Variants in ASXL2 observed in about 807,000 individuals in gnomAD.
The protein encoded by ASXL2 is putative Polycomb group protein ASXL2.
A neutral mutation model predicts 122.0 loss-of-function variants in ASXL2; 23 were observed. The observed-to-expected ratio is 0.19, with a 90% confidence interval of 0.14 to 0.27. ASXL2 has a LOEUF of 0.27. Among genes scored for constraint, ASXL2 ranks in the 10% least tolerant of loss-of-function variants. The pLI is 1.00. For synonymous variants in ASXL2, 650 were observed against 637.0 expected (o/e 1.02, Z -0.31); for missense variants, 1,518 against 1,713.8 (o/e 0.89, Z 2.02).
chr2:25,768,734 C>T lies in ASXL2; in HGVS notation c.631+8G>A, dbSNP rs1325827026. 3 of 1,608,972 alleles carry T rather than the reference C, an allele frequency of 1.9e-6. No homozygotes were observed. Among genetic ancestry groups the T allele is most frequent in the Admixed American group, 3.4e-5 (2 of 58,866 alleles). Reference sequence around the variant, plus strand: ...AACTTCCATTGAAAAACTGCCCAAACTGCCTACCAGGTTTGGCAGGTACAG... The same window carrying T: ...AACTTCCATTGAAAAACTGCCCAAATTGCCTACCAGGTTTGGCAGGTACAG... On this transcript the variant is annotated splice_region_variant and intron_variant, in intron 7 of 12. Coordinates refer to ENST00000435504, the MANE Select transcript of ASXL2 (RefSeq NM_018263.6).
chr2:25,828,470 C>T (rs1404922363), intron 3 of ASXL2, among the ~76,000 whole-genome samples: 21 of 142,700 alleles, frequency 1.5e-4, no homozygotes, highest in African/African-American at 5.3e-4. Flanking sequence ...CACACCATTG[C>T]ACTCCCTCCC....
At chr2:25,787,887 T>C (rs756246967) in intron 5 of ASXL2, among the ~76,000 whole-genome samples, 9 of 152,080 alleles carry the variant, frequency 5.9e-5, no homozygotes, top group Non-Finnish European at 8.8e-5. Context: ...GCTTCTAAAA[T>C]TTACATGAAG....
intron 5 of ASXL2, among the ~76,000 whole-genome samples, chr2:25,778,738 C>T (rs1159352895): frequency 6.6e-6 from 1 of 152,184 alleles, no homozygotes; most frequent in Admixed American, 6.5e-5. Flanking sequence ...AACATGGCTC[C>T]ACCCATATGT....
chr2:25,808,595 G>A (rs565606627), intron 3 of ASXL2, among the ~76,000 whole-genome samples: 2 of 152,286 alleles, frequency 1.3e-5, no homozygotes, highest in East Asian at 3.9e-4. Context: ...GCCTCCCAGA[G>A]TGCTCGGATT....
rs2089464304 is a variant in ASXL2, at chr2:25,832,362, A to T, written c.143+3176T>A. On this transcript the variant is annotated intron_variant, in intron 3 of 12. Coordinates refer to ENST00000435504, the MANE Select transcript of ASXL2 (RefSeq NM_018263.6). ...AAACAGTTAAGAAAAGCATGTAAAG[A>T]CATACAAAGAAATACAATACTATAA... Among the ~76,000 whole-genome samples, 3 of 152,218 alleles carry T rather than the reference A, an allele frequency of 2.0e-5. No homozygotes were observed. In the South Asian group the frequency reaches 6.2e-4, roughly 32 times the overall value.
intron 11 of ASXL2, among the ~76,000 whole-genome samples, chr2:25,750,734 G>A (rs1374168194): frequency 6.6e-6 from 1 of 152,158 alleles, no homozygotes; most frequent in African/African-American, 2.4e-5. Context: ...TAAAGTACTT[G>A]CCTAACACAT....
In ASXL2 at chr2:25,794,515, T is replaced by C. The variant is rs537582624; in HGVS notation, c.403+4870A>G. Among the ~76,000 whole-genome samples the C allele has an allele frequency of 2.0e-5, 3 of 152,334 alleles. No homozygotes were observed. The South Asian group carries it at 6.2e-4, about 32-fold the overall frequency. ...AAAACTCTTCTCTGAACATTGTGTATCCTGTCTGAAAACTAGCAACCAAAA... is the reference window on the plus strand; with the variant it reads ...AAAACTCTTCTCTGAACATTGTGTACCCTGTCTGAAAACTAGCAACCAAAA... On this transcript the variant is annotated intron_variant, in intron 5 of 12. Coordinates refer to ENST00000435504, the MANE Select transcript of ASXL2 (RefSeq NM_018263.6).
chr2:25,781,959 CTTTTTTCTTT>C (rs1430983214), intron 5 of ASXL2, among the ~76,000 whole-genome samples: 5 of 88,400 alleles, frequency 5.7e-5, no homozygotes, highest in South Asian at 3.9e-4. Context: ...ACCGCCCGGG[CTTTTTTCTTT>C]TTTTTTTTTT....
intron 1 of ASXL2, among the ~76,000 whole-genome samples, chr2:25,872,250 T>G (rs959361825): frequency 6.6e-6 from 1 of 152,028 alleles, no homozygotes; most frequent in Non-Finnish European, 1.5e-5. Flanking sequence ...GGCGTGGTAG[T>G]GCGTGCTTGT....
At position 25,750,121 on chromosome 2, in the gene ASXL2, G is replaced by C. The variant is rs558933448; in HGVS notation, c.1435C>G (p.Pro479Ala). The C allele has an allele frequency of 1.2e-6, 2 of 1,613,968 alleles. No homozygotes were observed. The highest frequency in any genetic ancestry group is 3.3e-5 in the Admixed American group (2 of 60,030). The change falls in exon 12 of 13, where the codon CCC becomes GCC. Residue 479 changes from proline (P) to alanine (A), a missense_variant. Transcript: ENST00000435504. Reference protein sequence around the residue: ...LNTHELSSILPIKCPKDEDLL... With the variant: ...LNTHELSSILAIKCPKDEDLL... Reference sequence around the variant, plus strand: ...TCCTCATCCTTTGGGCACTTGATGGGAAGAATGCTGCTAAGCTCATGTGTA... The same window carrying C: ...TCCTCATCCTTTGGGCACTTGATGGCAAGAATGCTGCTAAGCTCATGTGTA...
At chr2:25,869,912 T>TAAAA (rs35244304) in intron 1 of ASXL2, among the ~76,000 whole-genome samples, 61 of 137,920 alleles carry the variant, frequency 4.4e-4, no homozygotes, top group African/African-American at 1.6e-3. Context: ...AATGAAATAC[T>TAAAA]AAAAAAAAAA....
In ASXL2 at chr2:25,736,838, G is replaced by A. The variant is rs979712790; in HGVS notation, c.*5191C>T. On this transcript the variant is annotated 3_prime_UTR_variant, in exon 13 of 13. Coordinates refer to ENST00000435504, the MANE Select transcript of ASXL2 (RefSeq NM_018263.6). ...TTTTCTTTTAGGTCATCAATGATTC[G>A]ATATATTATTCATTTGTTAAAAAAT... 6.6e-6 allele frequency: 1 copy of A among 152,008 alleles called. No homozygotes were observed. Among genetic ancestry groups the A allele is most frequent in the Non-Finnish European group, 1.5e-5 (1 of 67,984 alleles). 9.4% of individuals were successfully genotyped at this position (152,008 alleles called of 1,614,324 possible).
chr2:25,780,918 TCTACTAAAAATA>T (rs1281681543), intron 5 of ASXL2, among the ~76,000 whole-genome samples: 1 of 151,768 alleles, frequency 6.6e-6, no homozygotes, highest in African/African-American at 2.4e-5. Flanking sequence ...AAACCCCGTC[TCTACTAAAAATA>T]CAAAATAGCC....
chr2:25,750,947 G>C (rs1194723565), intron 11 of ASXL2, among the ~76,000 whole-genome samples: 3 of 152,178 alleles, frequency 2.0e-5, no homozygotes, highest in Non-Finnish European at 4.4e-5. Flanking sequence ...GAGACAGCTG[G>C]CTGTCAATGT....
chr2:25,873,337 G>A (rs929888027), intron 1 of ASXL2, among the ~76,000 whole-genome samples: 1 of 152,080 alleles, frequency 6.6e-6, no homozygotes, highest in African/African-American at 2.4e-5. Flanking sequence ...CTTGAACCCA[G>A]GAGGCAGAGG....
intron 5 of ASXL2, among the ~76,000 whole-genome samples, chr2:25,781,043 C>T (rs1373974600): frequency 5.5e-5 from 8 of 145,518 alleles, no homozygotes; most frequent in African/African-American, 2.1e-4. Context: ...GAGATCATGC[C>T]ACTGCACTCC....
chr2:25,799,311 G>T, intron 5 of ASXL2, 74 bp downstream of exon 5: 2 of 1,601,598 alleles, frequency 1.2e-6, no homozygotes, highest in Non-Finnish European at 1.7e-6. Flanking sequence ...TGGAGTCTGG[G>T]AAAAGAGGAA....
At chr2:25,751,644 A>G (rs72799646) in intron 11 of ASXL2, among the ~76,000 whole-genome samples, 22,737 of 152,062 alleles carry the variant, frequency 0.15, 2,160 homozygotes, top group Non-Finnish European at 0.22. Context: ...TGAAAAAAAA[A>G]AAAGAAAAAG....
intron 3 of ASXL2, among the ~76,000 whole-genome samples, chr2:25,827,056 T>C (rs2149184371): frequency 6.7e-6 from 1 of 150,214 alleles, no homozygotes; most frequent in African/African-American, 2.4e-5. Context: ...CAAGCTAGTC[T>C]CAAACTCCTG....
Sources: allele counts gnomAD v4.1 joint callset (sites outside exome capture counted in the v4.1 genomes callset), GRCh38; gene constraint gnomAD v4.1.1; transcripts MANE v1.5; gene names NCBI Gene and HGNC (gene_info 2026-07-23, HGNC 2026-07-21).